Variants in PHKA1 observed in about 807,000 individuals in gnomAD.
PHKA1 encodes the protein phosphorylase kinase regulatory subunit alpha 1.
A neutral mutation model predicts 110.2 loss-of-function variants in PHKA1; 60 were observed. That is an observed-to-expected ratio of 0.54 (90% CI 0.44 to 0.68). The LOEUF (loss-of-function observed/expected upper bound fraction) is 0.68. PHKA1 is among the 30% of genes least tolerant of loss of function. The pLI is 0.00. For synonymous variants in PHKA1, 316 were observed against 333.6 expected, an observed-to-expected ratio of 0.95 and a Z score of 0.58; for missense variants, 801 against 942.5, an observed-to-expected ratio of 0.85 and a Z score of 1.97.
At chrX:72,702,250 C>G (rs1199599358) in intron 3 of PHKA1, among the ~76,000 whole-genome samples, 1 of 111,002 alleles carries the variant, frequency 9.0e-6, no homozygotes, top group Non-Finnish European at 1.9e-5. Context: ...GAGTTTGAGA[C>G]CAGCCTGGCC....
intron 2 of PHKA1, among the ~76,000 whole-genome samples, chrX:72,707,630 CGTGTGTGTGTGTGT>C (rs61504690): frequency 3.2e-4 from 30 of 93,657 alleles, no homozygotes; most frequent in East Asian, 7.2e-4. Context: ...ATCAAAAAAT[CGTGTGTGTGTGTGT>C]GTGTGTGTGT....
intron 29 of PHKA1, among the ~76,000 whole-genome samples, chrX:72,587,377 A>T (rs1337574252): frequency 8.9e-6 from 1 of 111,732 alleles, no homozygotes; most frequent in Non-Finnish European, 1.9e-5. Context: ...AGAGACAAGC[A>T]AATGCTGAGA....
chrX:72,687,055 T>C (rs2147813237), intron 4 of PHKA1, among the ~76,000 whole-genome samples: 1 of 111,918 alleles, frequency 8.9e-6, no homozygotes, highest in African/African-American at 3.2e-5. Context: ...TAATTTCCAG[T>C]TTTTTATTAT....
At chrX:72,628,051 A>G (rs59360446) in intron 16 of PHKA1, among the ~76,000 whole-genome samples, 9,743 of 108,902 alleles carry the variant, frequency 0.089, 980 homozygotes, top group East Asian at 0.67. Context: ...GGATGGTCTC[A>G]ATCTCCTGAT....
In PHKA1 at chrX:72,580,895, A is replaced by AG; in HGVS notation, c.*106dup. On this transcript the variant is annotated 3_prime_UTR_variant, in exon 32 of 32. Coordinates refer to ENST00000373542, the MANE Select transcript of PHKA1 (RefSeq NM_002637.4). ...TCTTCTTGGGAAGGATGGGACAGAA[A>AG]GGGGCAGGGTTGGAGTGATTAGGCA... 1 of 716,918 alleles carries AG rather than the reference A, an allele frequency of 1.4e-6. No individual in the cohort carries two copies. Among genetic ancestry groups the AG allele is most frequent in the Non-Finnish European group, 2.2e-6 (1 of 462,970 alleles). The allele number at this position is 716,918 out of a possible 1,213,427, so 59.1% of individuals were successfully genotyped here.
intron 8 of PHKA1, among the ~76,000 whole-genome samples, chrX:72,662,474 TG>T (rs1277187304): frequency 8.9e-6 from 1 of 112,095 alleles, no homozygotes; most frequent in East Asian, 2.8e-4. Context: ...AACAGCCTGA[TG>T]GACCCATGTC....
At chrX:72,587,363 C>G (rs1040591987) in intron 29 of PHKA1, among the ~76,000 whole-genome samples, 3 of 111,323 alleles carry the variant, frequency 2.7e-5, no homozygotes. Context: ...AAATAAAATC[C>G]TTTAGAGACA....
rs782325662 is a variant in PHKA1 at position 72,667,460 on chromosome X, G to A, written c.632C>T (p.Ala211Val). The A allele has an allele frequency of 8.3e-7, 1 of 1,202,916 alleles. No homozygotes were observed. The highest frequency in any genetic ancestry group is 1.1e-6 in the Non-Finnish European group (1 of 888,693). ...SVGMAKAALE[A>V]LDELDLFGVK... The stretch of plus-strand genomic sequence containing the variant: ...ACCAAACAGATCCAGTTCATCTAAT[G>A]CTTCCAGGGCTGCCTGTGAGGAACA... Residue 211 changes from alanine to valine, a missense_variant, in exon 7 of 32, where the codon GCA becomes GTA. By Grantham distance (64) the Ala-to-Val change is moderately conservative. Transcript: ENST00000373542.
At chrX:72,647,933 G>A (rs782005530) in intron 13 of PHKA1, among the ~76,000 whole-genome samples, 2 of 111,772 alleles carry the variant, frequency 1.8e-5, no homozygotes, top group East Asian at 5.6e-4. Context: ...TAGAAGACAT[G>A]GGATACAGAT....
chrX:72,588,156 T>G (rs2052462157), intron 29 of PHKA1, among the ~76,000 whole-genome samples: 1 of 112,190 alleles, frequency 8.9e-6, no homozygotes, highest in Non-Finnish European at 1.9e-5. Flanking sequence ...ATGGCACTTA[T>G]TCTAAAATTG....
intron 28 of PHKA1, among the ~76,000 whole-genome samples, chrX:72,596,923 C>T (rs183290030): frequency 1.6e-4 from 18 of 112,034 alleles, no homozygotes; most frequent in Admixed American, 6.6e-4. Flanking sequence ...ACATATAGAT[C>T]GATGGAATAG....
chrX:72,587,615 G>C (rs1191369188), intron 29 of PHKA1, among the ~76,000 whole-genome samples: 1 of 111,564 alleles, frequency 9.0e-6, no homozygotes, highest in African/African-American at 3.3e-5. Flanking sequence ...GCTAAATGCT[G>C]CAATTAAAAG....
chrX:72,595,284 C>T (rs781919785), intron 28 of PHKA1, among the ~76,000 whole-genome samples: 3 of 110,857 alleles, frequency 2.7e-5, no homozygotes, highest in Non-Finnish European at 3.8e-5. Flanking sequence ...AGAAGGGAAC[C>T]TCCTCAATCT....
intron 17 of PHKA1, among the ~76,000 whole-genome samples, chrX:72,625,882 T>C (rs2053055907): frequency 9.0e-6 from 1 of 111,458 alleles, no homozygotes; most frequent in South Asian, 3.7e-4. Flanking sequence ...GCCAGGCTGG[T>C]CTTGAACTCC....
chrX:72,677,504 G>T (rs781973792), intron 5 of PHKA1, among the ~76,000 whole-genome samples: 1 of 111,888 alleles, frequency 8.9e-6, no homozygotes, highest in African/African-American at 3.2e-5. Flanking sequence ...CTTTAATGGT[G>T]ATTTTCCAGT....
chrX:72,704,750 G>A (rs1481869127), intron 3 of PHKA1, among the ~76,000 whole-genome samples: 1 of 111,029 alleles, frequency 9.0e-6, no homozygotes, highest in African/African-American at 3.3e-5. Flanking sequence ...ACAACCATGC[G>A]CGGCTAATTT....
intron 28 of PHKA1, among the ~76,000 whole-genome samples, chrX:72,595,722 C>T (rs1312692021): frequency 7.2e-5 from 8 of 111,386 alleles, no homozygotes; most frequent in Non-Finnish European, 1.3e-4. Flanking sequence ...CATGGAAATG[C>T]GGATCAAACC....
intron 22 of PHKA1, 108 bp downstream of exon 22, chrX:72,610,920 C>T: frequency 3.8e-6 from 2 of 530,310 alleles, no homozygotes; most frequent in South Asian, 6.0e-5. Context: ...GTGGAAAAGA[C>T]ATCTCAAATG....
chrX:72,656,075 T>C (rs1556301257), intron 10 of PHKA1, 45 bp downstream of exon 10: 1 of 1,196,807 alleles, frequency 8.4e-7, no homozygotes, highest in South Asian at 1.8e-5. Context: ...TGTAAGAAGA[T>C]ATAACAAAAA....
Sources: allele counts gnomAD v4.1 joint callset (sites outside exome capture counted in the v4.1 genomes callset), GRCh38; gene constraint gnomAD v4.1.1; transcripts MANE v1.5; gene names NCBI Gene and HGNC (gene_info 2026-07-23, HGNC 2026-07-21).